The following CSF3R variants were observed in gnomAD, a reference collection of about 807,000 sequenced individuals.
The protein encoded by CSF3R is colony stimulating factor 3 receptor.
Under a neutral mutation model 84.4 loss-of-function variants are expected in CSF3R, and 52 were observed. That is an observed-to-expected ratio of 0.62 (90% CI 0.49 to 0.78). The LOEUF is 0.78. Among genes scored for constraint, CSF3R ranks in the 30% least tolerant of loss-of-function variants. The pLI, the probability that CSF3R is intolerant of heterozygous loss-of-function variation, is 0.00. For synonymous variants in CSF3R, 384 were observed against 429.1 expected (o/e 0.89, Z 1.30); for missense variants, 890 against 1,055.7 (o/e 0.84, Z 2.17).
intron 2 of CSF3R, chr1:36,479,917 A>G (rs1159188420): frequency 2.9e-6 from 1 of 339,544 alleles, no homozygotes; most frequent in Non-Finnish European, 5.8e-6. Context: ...AGCAGCAGAT[A>G]AGGGACTGGG....
chr1:36,478,956 G>A (rs1382123944), intron 3 of CSF3R: 11 of 271,670 alleles, frequency 4.0e-5, no homozygotes, highest in Non-Finnish European at 8.0e-5. Context: ...AACCCCTGCT[G>A]CACAGCATCT....
Position 36,475,633 on chromosome 1 carries a change from G to C in CSF3R, c.105C>G (p.Ile35Met). The change falls in exon 4 of 17, where the codon ATC (isoleucine) becomes ATG (methionine). Residue 35 changes from isoleucine to methionine, a missense_variant. By Grantham distance (10) the Ile-to-Met change is conservative. Transcript: ENST00000373106. ...ECGHISVSAP[I>M]VHLGDPITAS... Reference sequence around the variant, plus strand: ...CTGTGATGGGATCCCCCAGGTGGACGATGGGGGCTGAGACACTGATGTGCC... The same window carrying C: ...CTGTGATGGGATCCCCCAGGTGGACCATGGGGGCTGAGACACTGATGTGCC... 6.2e-7 allele frequency: 1 copy of C among 1,607,000 alleles called. No individual in the cohort carries two copies. Among genetic ancestry groups the C allele is most frequent in the Non-Finnish European group, 8.5e-7 (1 of 1,174,526 alleles).
Position 36,471,644 on chromosome 1 carries a change from T to A in CSF3R, c.1074A>T (p.Pro358=), listed in dbSNP as rs754743616. The A allele has an allele frequency of 3.7e-6, 6 of 1,613,980 alleles. No homozygotes were observed. In the African/African-American group the frequency reaches 6.7e-5, roughly 18 times the overall value. The part of the protein sequence containing the change: ...DPRTVQLFWK[P]VPLEEDSGRI... ...GTCCGCTGTCTTCCTCCAGGGGCAC[T>A]GGCTGTGGGGCACAGGAGGAAAAAG... The change falls in exon 10 of 17, where the codon CCA becomes CCT. Residue 358 remains proline (P), a splice_region_variant and synonymous_variant. Transcript: ENST00000373106.
At position 36,472,947 on chromosome 1, in the gene CSF3R, A is replaced by C; in HGVS notation, c.674-261T>G. 2.0e-6 allele frequency: 1 copy of C among 508,864 alleles called. No homozygotes were observed. Among genetic ancestry groups the C allele is most frequent in the Non-Finnish European group, 3.4e-6 (1 of 290,386 alleles). 31.5% of individuals were successfully genotyped at this position (508,864 alleles called of 1,614,324 possible). On this transcript the variant is annotated intron_variant, in intron 6 of 16. Transcript: ENST00000373106. The surrounding 1 kb of genome is among the most constrained non-coding windows in gnomAD (Gnocchi z 5.0). Reference sequence around the variant, plus strand: ...AGCGGCTTGCTCCCTCATTTCCTTCAAGGATCTGCTCAATTGTCACCCTCT... The same window carrying C: ...AGCGGCTTGCTCCCTCATTTCCTTCCAGGATCTGCTCAATTGTCACCCTCT...
At chr1:36,478,901 A>G (rs1651348392) in intron 3 of CSF3R, 1 of 224,930 alleles carries the variant, frequency 4.4e-6, no homozygotes. Flanking sequence ...CAGAGACAGT[A>G]TGTGGCCTGC....
At chr1:36,482,370 G>C (rs1651583371) in intron 1 of CSF3R, among the ~76,000 whole-genome samples, 3 of 151,904 alleles carry the variant, frequency 2.0e-5, no homozygotes. Context: ...TAAGATTCAA[G>C]AGATAGCAGG....
At chr1:36,480,336 C>T (rs1016774324) in intron 2 of CSF3R, among the ~76,000 whole-genome samples, 1 of 152,348 alleles carries the variant, frequency 6.6e-6, no homozygotes, top group Non-Finnish European at 1.5e-5. Flanking sequence ...GCCATGTGGG[C>T]TGAGAGAATA....
chr1:36,476,621 GTT>G (rs112688098), intron 3 of CSF3R, among the ~76,000 whole-genome samples: 3 of 144,008 alleles, frequency 2.1e-5, no homozygotes, highest in African/African-American at 5.1e-5. Flanking sequence ...TGTCCCTGCT[GTT>G]TTTTTTTTTT....
rs1399691450 is a variant in CSF3R at position 36,467,828 on chromosome 1, T to A, written c.1858A>T (p.Thr620Ser). ...AGCCCCCGTCTCCCCTTACCTGGGG[T>A]CAAGGTCATCAGGGTGAGGACTGTA... is the stretch of plus-strand genomic sequence containing the variant. ...NSTVLTLMTL[T>S]PEGSELHIIL... is the part of the protein sequence containing the mutation. Residue 620 changes from threonine (T) to serine (S), a missense_variant, in exon 14 of 17, where the codon ACC becomes TCC. Physicochemically the swap from Thr to Ser is moderately conservative, Grantham distance 58 (BLOSUM62 1). Transcript: ENST00000373106. This position sits in a 1 kb window ranked among gnomAD's most constrained non-coding sequence, Gnocchi z 4.1. 6.2e-7 allele frequency: 1 copy of A among 1,614,132 alleles called. No individual in the cohort carries two copies. The highest frequency in any genetic ancestry group is 1.7e-5 in the Admixed American group (1 of 60,026).
intron 3 of CSF3R, 187 bp downstream of exon 3, chr1:36,479,246 T>C: frequency 1.4e-6 from 1 of 691,262 alleles, no homozygotes. Flanking sequence ...ACCATTCCTC[T>C]TGGGTGGTGG....
chr1:36,472,903 G>A lies in CSF3R; in HGVS notation c.674-217C>T, dbSNP rs1176784974. The stretch of plus-strand genomic sequence containing the variant: ...ACTGGTTGTTACTTCTGCTTGAAAT[G>A]TTTTCCCTCCAGATATCCAGCGGCT... On this transcript the variant is annotated intron_variant, in intron 6 of 16. Coordinates refer to ENST00000373106, the MANE Select transcript of CSF3R (RefSeq NM_000760.4). This position sits in a 1 kb window ranked among gnomAD's most constrained non-coding sequence, Gnocchi z 5.0. 3 of 577,446 alleles carry A rather than the reference G, an allele frequency of 5.2e-6. No homozygotes were observed. The highest frequency in any genetic ancestry group is 8.8e-6 in the Non-Finnish European group (3 of 341,940). The allele number at this position is 577,446 out of a possible 1,614,324, so 35.8% of individuals were successfully genotyped here.
intron 12 of CSF3R, chr1:36,468,690 C>T (rs1404633779): frequency 8.4e-6 from 2 of 236,744 alleles, no homozygotes; most frequent in Non-Finnish European, 1.7e-5. Context: ...AGGCATGTGT[C>T]ACTGCACCCA....
At chr1:36,475,354 G>A (rs1246876882) in intron 4 of CSF3R, 23 bp downstream of exon 4, 35 of 1,612,954 alleles carry the variant, frequency 2.2e-5, no homozygotes, top group Non-Finnish European at 2.7e-5. Context: ...AGGCAGAGTA[G>A]TTGGATGGCT....
intron 9 of CSF3R, 133 bp downstream of exon 9, chr1:36,471,933 A>T: frequency 1.1e-6 from 1 of 902,918 alleles, no homozygotes; most frequent in South Asian, 1.4e-5. Context: ...AGGCACATGC[A>T]AAGTGCATGC....
Position 36,467,587 on chromosome 1 carries a change from A to T in CSF3R, c.1929T>A (p.Cys643Ter), listed in dbSNP as rs1034487400. 1.2e-6 allele frequency: 2 copies of T among 1,614,050 alleles called. No homozygotes were observed. The highest frequency in any genetic ancestry group is 2.7e-5 in the African/African-American group (2 of 74,920). Residue 643 changes from cysteine to a stop codon, truncating the protein, a stop_gained, in exon 15 of 17, where the codon TGT (cysteine) becomes TGA (stop). Coordinates refer to ENST00000373106, the MANE Select transcript of CSF3R (RefSeq NM_000760.4). LOFTEE classifies it high-confidence loss of function. The surrounding 1 kb of genome is among the most constrained non-coding windows in gnomAD (Gnocchi z 4.1). ...FGLLLLLTCL[C>*]GTAWLCCSPN... ...GGCTGCAACAGAGCCAGGCAGTTCC[A>T]CAGAGGCAGGTGAGCAACAGCAGGA...
intron 6 of CSF3R, 163 bp downstream of exon 6, chr1:36,473,270 TTC>T (rs1187917427): frequency 2.8e-6 from 2 of 722,676 alleles, no homozygotes; most frequent in Non-Finnish European, 4.5e-6. Flanking sequence ...GTGTCCCCAT[TTC>T]TCTGTCTCCA....
rs370712007 is a variant in CSF3R, at chr1:36,472,317, C to G, written c.918G>C (p.Gln306His). ...GCAGGGGCCAGCGGATGCAGCGTAT[C>G]TGCAGGGTGTAGGCCGTGGCTGGGA... is the stretch of plus-strand genomic sequence containing the variant. ...GLLPATAYTL[Q>H]IRCIRWPLPG... The change falls in exon 8 of 17, where the codon CAG becomes CAC. Residue 306 changes from glutamine (Q) to histidine (H), a missense_variant. Physicochemically the swap from Gln to His is conservative, Grantham distance 24. Transcript: ENST00000373106. This position sits in a 1 kb window ranked among gnomAD's most constrained non-coding sequence, Gnocchi z 5.0. 6.2e-7 allele frequency: 1 copy of G among 1,614,216 alleles called. No homozygotes were observed. Among genetic ancestry groups the G allele is most frequent in the South Asian group, 1.1e-5 (1 of 91,078 alleles).
chr1:36,476,481 A>G (rs191402442), intron 3 of CSF3R, among the ~76,000 whole-genome samples: 3 of 152,356 alleles, frequency 2.0e-5, no homozygotes, highest in East Asian at 3.9e-4. Context: ...AAATCCTTCA[A>G]TAGCTCCTGT....
chr1:36,474,458 C>T (rs3917962), intron 4 of CSF3R, among the ~76,000 whole-genome samples: 3,345 of 128,896 alleles, frequency 0.026, 106 homozygotes, highest in African/African-American at 0.09. Context: ...AGTGCAGTGG[C>T]GTGATCTCGG....
Sources: allele counts gnomAD v4.1 joint callset (sites outside exome capture counted in the v4.1 genomes callset), GRCh38; gene constraint gnomAD v4.1.1; non-coding constraint Gnocchi (gnomAD v3.1); transcripts MANE v1.5; gene names NCBI Gene and HGNC (gene_info 2026-07-23, HGNC 2026-07-21).